TADA2A: variants seen among roughly 807,000 people sequenced by gnomAD.
TADA2A encodes the protein transcriptional adaptor 2A.
In TADA2A, 38 loss-of-function variants were observed where a neutral mutation model predicts 67.4. That is an observed-to-expected ratio of 0.56 (90% CI 0.44 to 0.74). TADA2A has a LOEUF of 0.74. Ranked by LOEUF, TADA2A falls within the 30% of genes least tolerant of loss-of-function variation. TADA2A has a pLI of 0.00. For missense variants in TADA2A, 454 were observed against 547.0 expected (o/e 0.83, Z 1.70); for synonymous variants, 192 against 181.6 (o/e 1.06, Z -0.46).
At chr17:37,416,120 AT>A (rs34824290) in intron 2 of TADA2A, among the ~76,000 whole-genome samples, 35,314 of 138,920 alleles carry the variant, frequency 0.25, 4,128 homozygotes, top group Middle Eastern at 0.36. Context: ...CTCCCTCTCA[AT>A]TTTTTTTTTT....
chr17:37,410,810 G>C (rs2051841776), intron 1 of TADA2A, among the ~76,000 whole-genome samples: 1 of 152,174 alleles, frequency 6.6e-6, no homozygotes, highest in Non-Finnish European at 1.5e-5. Context: ...GGGGAATGGG[G>C]TATTGTGATT....
At chr17:37,456,723 A>T (rs2053402844) in intron 8 of TADA2A, among the ~76,000 whole-genome samples, 1 of 152,204 alleles carries the variant, frequency 6.6e-6, no homozygotes. Flanking sequence ...TAAAATAGAT[A>T]TCGAGTTTGA....
chr17:37,474,412 C>A, intron 14 of TADA2A, 144 bp from the exon 15 acceptor site: 2 of 674,122 alleles, frequency 3.0e-6, no homozygotes, highest in Non-Finnish European at 5.0e-6. Context: ...CTAAACAGGC[C>A]TGAGGGAATG....
At chr17:37,433,571 A>T (rs1196862574) in intron 4 of TADA2A, among the ~76,000 whole-genome samples, 3 of 151,822 alleles carry the variant, frequency 2.0e-5, no homozygotes, top group Admixed American at 6.6e-5. Flanking sequence ...AGGCAGGAGG[A>T]TTGCTTGAGT....
intron 12 of TADA2A, among the ~76,000 whole-genome samples, chr17:37,467,890 T>C (rs1316770772): frequency 2.0e-5 from 3 of 152,090 alleles, no homozygotes; most frequent in African/African-American, 7.2e-5. Flanking sequence ...GAGACCAGCC[T>C]GACCAACATG....
rs2148057376 is a variant in TADA2A at position 37,477,166 on chromosome 17, T to C, written c.*184T>C. On this transcript the variant is annotated 3_prime_UTR_variant, in exon 16 of 16. Transcript: ENST00000615182. ...TCTCCATCCTGCTTTAAAACACTCC[T>C]GTTGTTGGTATTATGCTGCAGAGTT... 1 of 594,562 alleles carries C rather than the reference T, an allele frequency of 1.7e-6. No homozygotes were observed. The highest frequency in any genetic ancestry group is 2.8e-5 in the East Asian group (1 of 35,416). 36.8% of individuals were successfully genotyped at this position (594,562 alleles called of 1,614,324 possible). A position where few individuals can be genotyped will look rare whatever the true frequency, so the allele number is the denominator to read the frequency against.
intron 2 of TADA2A, among the ~76,000 whole-genome samples, chr17:37,415,020 G>A (rs2051996873): frequency 6.6e-6 from 1 of 151,814 alleles, no homozygotes; most frequent in Non-Finnish European, 1.5e-5. Flanking sequence ...AGCCTCCTGA[G>A]TAGCTGGAAT....
At chr17:37,427,581 AAG>A (rs1487320969) in intron 4 of TADA2A, among the ~76,000 whole-genome samples, 8 of 152,324 alleles carry the variant, frequency 5.3e-5, no homozygotes, top group Admixed American at 5.2e-4. Flanking sequence ...AAGAAGGAAT[AAG>A]AGTGTTCGTA....
At chr17:37,436,325 A>T (rs896950460) in intron 4 of TADA2A, 1 of 152,038 alleles carries the variant, frequency 6.6e-6, no homozygotes, top group African/African-American at 2.4e-5. Flanking sequence ...TGAGTTCGTT[A>T]TATTTTGCAT....
At chr17:37,444,882 GA>G (rs915471817) in intron 8 of TADA2A, 114 bp downstream of exon 8, 1 of 966,224 alleles carries the variant, frequency 1.0e-6, no homozygotes, top group Non-Finnish European at 1.6e-6. Context: ...ATAGAATTCA[GA>G]AATCTAGTGG....
At chr17:37,471,963 A>G (rs2053796644) in intron 14 of TADA2A, among the ~76,000 whole-genome samples, 1 of 152,152 alleles carries the variant, frequency 6.6e-6, no homozygotes, top group Admixed American at 6.5e-5. Context: ...AGATTAAGCC[A>G]TACGCTATCT....
chr17:37,446,103 GTTT>G (rs200210448), intron 8 of TADA2A, among the ~76,000 whole-genome samples: 6,412 of 117,010 alleles, frequency 0.055, 413 homozygotes, highest in African/African-American at 0.17. Context: ...TTTTGGGGGG[GTTT>G]TTTTTTTTTT....
chr17:37,476,853 A>G lies in TADA2A; in HGVS notation c.1203A>G (p.Leu401=), dbSNP rs370986458. The G allele has an allele frequency of 3.0e-5, 48 of 1,614,080 alleles. No homozygotes were observed. Among genetic ancestry groups the G allele is most frequent in the Middle Eastern group, 1.6e-4 (1 of 6,084 alleles). ...CCTATTTAGAATACAAATCTGCTCTATTGAACGAATGTAACAAGCAAGGAG... is the reference window on the plus strand; with the variant it reads ...CCTATTTAGAATACAAATCTGCTCTGTTGAACGAATGTAACAAGCAAGGAG... ...PGAYLEYKSA[L]LNECNKQGGL... Residue 401 remains leucine, a synonymous_variant, in exon 16 of 16, where the codon CTA becomes CTG. Transcript: ENST00000615182.
At chr17:37,439,269 T>A (rs563211278) in intron 5 of TADA2A, among the ~76,000 whole-genome samples, 1 of 152,018 alleles carries the variant, frequency 6.6e-6, no homozygotes, top group Non-Finnish European at 1.5e-5. Flanking sequence ...ACTCAGCTAA[T>A]TTTTAAATTT....
At chr17:37,426,928 T>C (rs772436051) in intron 3 of TADA2A, 22 bp from the exon 4 acceptor site, 2 of 1,592,206 alleles carry the variant, frequency 1.3e-6, no homozygotes, top group African/African-American at 2.7e-5. Context: ...CTTTTGCTAA[T>C]TTAATTTTTC....
At chr17:37,449,194 G>C (rs972344412) in intron 8 of TADA2A, among the ~76,000 whole-genome samples, 3 of 151,864 alleles carry the variant, frequency 2.0e-5, no homozygotes, top group African/African-American at 7.3e-5. Context: ...CTAATTTTTT[G>C]TATTTTTTAG....
At chr17:37,434,041 CA>C (rs1379429598) in intron 4 of TADA2A, among the ~76,000 whole-genome samples, 3 of 152,078 alleles carry the variant, frequency 2.0e-5, no homozygotes, top group Non-Finnish European at 4.4e-5. Flanking sequence ...CCAGATTTTC[CA>C]CAAATGTCCT....
At chr17:37,424,717 C>T (rs1021297314) in intron 3 of TADA2A, among the ~76,000 whole-genome samples, 7 of 151,972 alleles carry the variant, frequency 4.6e-5, no homozygotes, top group South Asian at 2.1e-4. Flanking sequence ...CCACCACACC[C>T]GGCTAATTTT....
intron 10 of TADA2A, among the ~76,000 whole-genome samples, chr17:37,462,472 C>CA (rs902380784): frequency 0.016 from 2,303 of 147,840 alleles, 32 homozygotes; most frequent in African/African-American, 0.04. Flanking sequence ...ACTAAAAATA[C>CA]AAAAAAAAAA....
Sources: allele counts gnomAD v4.1 joint callset (sites outside exome capture counted in the v4.1 genomes callset), GRCh38; gene constraint gnomAD v4.1.1; transcripts MANE v1.5; gene names NCBI Gene and HGNC (gene_info 2026-07-23, HGNC 2026-07-21).